Variants in TCERG1 observed in about 807,000 individuals in gnomAD.
The protein encoded by TCERG1 is transcription elongation regulator 1.
A neutral mutation model predicts 144.7 loss-of-function variants in TCERG1; 37 were observed. That is an observed-to-expected ratio of 0.26 (90% CI 0.20 to 0.34). TCERG1 has a LOEUF of 0.34. TCERG1 is among the 10% of genes least tolerant of loss of function. The pLI, the probability that TCERG1 is intolerant of heterozygous loss-of-function variation, is 1.00. For missense variants in TCERG1, 1,027 were observed against 1,380.7 expected (o/e 0.74, Z 4.06); for synonymous variants, 492 against 458.2 (o/e 1.07, Z -0.94).
chr5:146,507,922 A>G lies in TCERG1; in HGVS notation c.3011A>G (p.Asp1004Gly). ...GAAGTAAAAAAAATCATTAAGGAAG[A>G]TCCTCGATGTATTAAGTTCTCCTCC... ...WKEVKKIIKE[D>G]PRCIKFSSSD... is the part of the protein sequence containing the mutation. The change falls in exon 21 of 23, where the codon GAT becomes GGT. Residue 1004 changes from aspartate (D) to glycine (G), a missense_variant. By Grantham distance (94) the Asp-to-Gly change is moderately conservative. Around this residue, in one of 6 missense-constraint regions of TCERG1, gnomAD observed 133 missense variants for 283.2 expected, o/e 0.47. Coordinates refer to ENST00000679501, the MANE Select transcript of TCERG1 (RefSeq NM_001382548.1). The surrounding 1 kb of genome is among the most constrained non-coding windows in gnomAD (Gnocchi z 4.6). 6.2e-7 allele frequency: 1 copy of G among 1,611,640 alleles called. No individual in the cohort carries two copies. Among genetic ancestry groups the G allele is most frequent in the Non-Finnish European group, 8.5e-7 (1 of 1,178,868 alleles).
intron 17 of TCERG1, among the ~76,000 whole-genome samples, chr5:146,502,827 T>G (rs1346670258): frequency 6.6e-6 from 1 of 152,128 alleles, no homozygotes; most frequent in African/African-American, 2.4e-5. Flanking sequence ...AAAATATAAA[T>G]TTTTACCCTA....
Position 146,457,220 on chromosome 5 carries a change from C to T in TCERG1, c.323C>T (p.Pro108Leu). Reference protein sequence around the residue: ...PFMPPPMSSMPPPPGMMFPPG... With the variant: ...PFMPPPMSSMLPPPGMMFPPG... ...ATGCCTCCTCCCATGAGTTCCATGC[C>T]TCCTCCTCCGGGTATGATGTTTCCA... The change falls in exon 3 of 23, where the codon CCT becomes CTT. Residue 108 changes from proline (P) to leucine (L), a missense_variant. Physicochemically the swap from Pro to Leu is moderately conservative, Grantham distance 98. Around this residue, in one of 6 missense-constraint regions of TCERG1, gnomAD observed 175 missense variants for 197.0 expected, o/e 0.89. Coordinates refer to ENST00000679501, the MANE Select transcript of TCERG1 (RefSeq NM_001382548.1). 3 of 1,614,096 alleles carry T rather than the reference C, an allele frequency of 1.9e-6. No homozygotes were observed. The highest frequency in any genetic ancestry group is 8.5e-7 in the Non-Finnish European group (1 of 1,179,940).
Position 146,463,666 on chromosome 5 carries a change from C to A in TCERG1, c.1008C>A (p.His336Gln). The change falls in exon 5 of 23, where the codon CAC becomes CAA. Residue 336 changes from histidine (H) to glutamine (Q), a missense_variant. Coordinates refer to ENST00000679501, the MANE Select transcript of TCERG1 (RefSeq NM_001382548.1). ...CTGTGCAAACCGTTCCCCAGCCGCA[C>A]CCTCAGACGTTACCTCCTGCTGTTC... ...ATPVQTVPQP[H>Q]PQTLPPAVPH... The A allele has an allele frequency of 6.2e-7, 1 of 1,614,192 alleles. No individual in the cohort carries two copies. Among genetic ancestry groups the A allele is most frequent in the Non-Finnish European group, 8.5e-7 (1 of 1,180,038 alleles).
At chr5:146,479,466 A>C (rs1327858891) in intron 10 of TCERG1, among the ~76,000 whole-genome samples, 1 of 152,174 alleles carries the variant, frequency 6.6e-6, no homozygotes, top group Non-Finnish European at 1.5e-5. Context: ...GTATGATAAT[A>C]ATACTTTATA....
intron 15 of TCERG1, among the ~76,000 whole-genome samples, chr5:146,489,481 G>A (rs971037026): frequency 9.9e-5 from 15 of 152,072 alleles, no homozygotes; most frequent in South Asian, 2.1e-4. Context: ...ATGATTACTC[G>A]GAATTGTCAA....
chr5:146,493,872 G>A (rs1248089304), intron 16 of TCERG1, among the ~76,000 whole-genome samples: 3 of 152,056 alleles, frequency 2.0e-5, no homozygotes, highest in Admixed American at 1.3e-4. Context: ...TTCTAAAACT[G>A]TCGGGTAGCA....
intron 9 of TCERG1, among the ~76,000 whole-genome samples, chr5:146,472,728 T>TGTGTGTG: frequency 1.3e-5 from 2 of 150,674 alleles, no homozygotes; most frequent in South Asian, 2.1e-4. Flanking sequence ...TGTGTGTGTG[T>TGTGTGTG]TTTGAGACGG....
intron 15 of TCERG1, among the ~76,000 whole-genome samples, chr5:146,485,895 A>G (rs549530715): frequency 9.9e-5 from 15 of 152,200 alleles, no homozygotes; most frequent in Admixed American, 3.9e-4. Flanking sequence ...GAGTTTCACC[A>G]TGCTGGCCAG....
intron 10 of TCERG1, among the ~76,000 whole-genome samples, chr5:146,479,190 T>C (rs1765116977): frequency 6.6e-6 from 1 of 152,148 alleles, no homozygotes; most frequent in Admixed American, 6.5e-5. Flanking sequence ...GTAATTTTTG[T>C]TGTGTATTTC....
At chr5:146,484,656 T>A (rs1238460689) in intron 15 of TCERG1, among the ~76,000 whole-genome samples, 1 of 152,222 alleles carries the variant, frequency 6.6e-6, no homozygotes, top group Admixed American at 6.5e-5. Flanking sequence ...TTGTATCTTT[T>A]TTAAAAAACA....
chr5:146,510,262 C>G, intron 22 of TCERG1, 179 bp from the exon 23 acceptor site: 1 of 683,918 alleles, frequency 1.5e-6, no homozygotes, highest in Non-Finnish European at 2.3e-6. Context: ...CCTTTCACTC[C>G]TTGGAGTCTT....
At position 146,496,897 on chromosome 5, in the gene TCERG1, AG is replaced by A. The variant is rs1475369266; in HGVS notation, c.2283-1638del. ...TTTTTTTTTTTTTTTTTTTTGAGAC[AG>A]AGTCTTGCTCTGTCACCCAGGCTGG... On this transcript the variant is annotated intron_variant, in intron 16 of 22. Coordinates refer to ENST00000679501, the MANE Select transcript of TCERG1 (RefSeq NM_001382548.1). 4.1e-3 allele frequency among the ~76,000 whole-genome samples: 542 copies of A among 130,688 alleles called. 1 individual carries two copies. Among genetic ancestry groups the A allele is most frequent in the African/African-American group, 0.015 (514 of 34,288 alleles). The allele number at this position is 130,688 out of a possible 152,430, so 85.7% of individuals were successfully genotyped here.
intron 12 of TCERG1, chr5:146,480,317 C>T (rs1218109370): frequency 1.3e-5 from 4 of 305,414 alleles, no homozygotes; most frequent in African/African-American, 8.7e-5. Context: ...ATTATGACTC[C>T]AAATGATAGT....
chr5:146,503,814 G>A lies in TCERG1; in HGVS notation c.2599-10G>A, dbSNP rs746977989. 5 of 1,572,798 alleles carry A rather than the reference G, an allele frequency of 3.2e-6. No individual in the cohort carries two copies. The highest frequency in any genetic ancestry group is 4.3e-6 in the Non-Finnish European group (5 of 1,166,522). On this transcript the variant is annotated splice_polypyrimidine_tract_variant and intron_variant, in intron 18 of 22. Transcript: ENST00000679501. ...TGGTAAGAAGGATAATGTAGTTTTT[G>A]CTTTTACAGAATTTAGACTCAGAAA...
At chr5:146,497,717 G>C (rs188088383) in intron 16 of TCERG1, among the ~76,000 whole-genome samples, 94 of 152,230 alleles carry the variant, frequency 6.2e-4, no homozygotes, top group Admixed American at 4.9e-3. Flanking sequence ...TTGTTAATGT[G>C]AATCTCTGAA....
chr5:146,510,404 C>A, intron 22 of TCERG1, 37 bp from the exon 23 acceptor site: 1 of 1,447,068 alleles, frequency 6.9e-7, no homozygotes, highest in Non-Finnish European at 9.7e-7. Context: ...CTGTGAACAG[C>A]AGTCAGTAAT....
At chr5:146,455,014 A>T (rs752578314) in intron 1 of TCERG1, 42 bp from the exon 2 acceptor site, 4 of 1,602,344 alleles carry the variant, frequency 2.5e-6, no homozygotes, top group Non-Finnish European at 3.4e-6. Context: ...ACATTTTTGT[A>T]ATTTTAAGAA....
At chr5:146,506,515 G>C (rs1048788876) in intron 19 of TCERG1, among the ~76,000 whole-genome samples, 5 of 152,148 alleles carry the variant, frequency 3.3e-5, no homozygotes, top group Non-Finnish European at 7.3e-5. Flanking sequence ...TTTGTGGTGA[G>C]ACACTTGGAA....
chr5:146,470,502 A>G (rs1764188351), intron 7 of TCERG1, 134 bp from the exon 8 acceptor site: 1 of 672,850 alleles, frequency 1.5e-6, no homozygotes, highest in East Asian at 3.7e-5. Context: ...GATTCAAATC[A>G]AAGATATAAG....
Sources: allele counts gnomAD v4.1 joint callset (sites outside exome capture counted in the v4.1 genomes callset), GRCh38; gene constraint gnomAD v4.1.1; regional missense constraint gnomAD v4.1.1; non-coding constraint Gnocchi (gnomAD v3.1); transcripts MANE v1.5; gene names NCBI Gene and HGNC (gene_info 2026-07-23, HGNC 2026-07-21).